The following UPP2 variants were observed in gnomAD, a reference collection of about 807,000 sequenced individuals.
UPP2 encodes UPase 2.
UPP2 carries 23 observed loss-of-function variants against 26.7 expected under a neutral mutation model. The ratio of observed to expected loss-of-function variants is 0.86; its 90% CI spans 0.62 to 1.22. The LOEUF (loss-of-function observed/expected upper bound fraction) is 1.22, where lower values mean the gene tolerates loss of function less well. Among genes scored for constraint, UPP2 ranks in the 50% most tolerant of loss-of-function variants. The probability of loss-of-function intolerance (pLI) is 0.00; values close to 1 mark genes in which losing one functional copy is unlikely to be tolerated. For missense variants in UPP2, 387 were observed against 396.7 expected (o/e 0.98, Z 0.21); for synonymous variants, 127 against 141.3 (o/e 0.90, Z 0.72).
chr2:157,999,281 C>T (rs552050568), intron 2 of UPP2, among the ~76,000 whole-genome samples: 7 of 152,200 alleles, frequency 4.6e-5, no homozygotes, highest in South Asian at 4.2e-4. Context: ...TGGGCTCAAG[C>T]GATTCTTCTG....
At chr2:158,025,109 G>C (rs1192355725) in intron 3 of UPP2, among the ~76,000 whole-genome samples, 1 of 151,870 alleles carries the variant, frequency 6.6e-6, no homozygotes, top group Admixed American at 6.6e-5. Flanking sequence ...GGCTGAGGCA[G>C]GAGAATCGCT....
intron 3 of UPP2, among the ~76,000 whole-genome samples, chr2:158,029,288 T>C (rs1165566768): frequency 1.3e-5 from 2 of 152,196 alleles, no homozygotes; most frequent in Non-Finnish European, 2.9e-5. Flanking sequence ...TAATTAGATT[T>C]CTAAAAAATA....
chr2:158,041,066 G>A (rs1238003742), intron 3 of UPP2, among the ~76,000 whole-genome samples: 1 of 152,114 alleles, frequency 6.6e-6, no homozygotes, highest in East Asian at 1.9e-4. Context: ...CTAACAGGGT[G>A]GCTGTGAGCA....
At chr2:158,059,371 A>G (rs1259942476) in intron 3 of UPP2, among the ~76,000 whole-genome samples, 2 of 152,242 alleles carry the variant, frequency 1.3e-5, no homozygotes, top group Non-Finnish European at 2.9e-5. Flanking sequence ...TTATATGGCC[A>G]TTTAAATTGA....
At chr2:158,076,286 A>G (rs1022205301) in intron 3 of UPP2, among the ~76,000 whole-genome samples, 3 of 152,060 alleles carry the variant, frequency 2.0e-5, no homozygotes, top group African/African-American at 7.2e-5. Flanking sequence ...ATTCTAAAAA[A>G]TAAAAGAGTA....
chr2:157,997,247 T>C (rs1044848494), intron 2 of UPP2, among the ~76,000 whole-genome samples: 10 of 149,572 alleles, frequency 6.7e-5, no homozygotes, highest in African/African-American at 2.5e-4. Flanking sequence ...GGACCTCCTA[T>C]TTTTTTTTAT....
chr2:158,001,970 A>AG (rs1683415394), intron 2 of UPP2, among the ~76,000 whole-genome samples: 1 of 150,714 alleles, frequency 6.6e-6, no homozygotes, highest in Non-Finnish European at 1.5e-5. Context: ...AAAAAAAAAA[A>AG]AAAAAAAAAA....
At chr2:158,092,170 G>A (rs1175046854) in intron 3 of UPP2, among the ~76,000 whole-genome samples, 2 of 152,154 alleles carry the variant, frequency 1.3e-5, no homozygotes, top group Non-Finnish European at 2.9e-5. Flanking sequence ...AGGGGTGCCA[G>A]AAGAAGATAA....
At chr2:158,064,173 T>G (rs1574270583) in intron 3 of UPP2, among the ~76,000 whole-genome samples, 1 of 152,246 alleles carries the variant, frequency 6.6e-6, no homozygotes, top group Non-Finnish European at 1.5e-5. Context: ...ATTGCCACAC[T>G]GTGTTCCACA....
intron 3 of UPP2, among the ~76,000 whole-genome samples, chr2:158,047,175 G>A (rs961058547): frequency 6.6e-6 from 1 of 152,182 alleles, no homozygotes; most frequent in African/African-American, 2.4e-5. Context: ...AGCAAATTCA[G>A]GGTGTCCTGT....
chr2:158,058,269 G>A (rs1682285204), intron 3 of UPP2, among the ~76,000 whole-genome samples: 2 of 147,376 alleles, frequency 1.4e-5, no homozygotes, highest in Admixed American at 6.8e-5. Context: ...TGCCAGCCTG[G>A]GCGACAGAGC....
At chr2:158,035,960 G>A (rs1363830204) in intron 3 of UPP2, among the ~76,000 whole-genome samples, 3 of 152,184 alleles carry the variant, frequency 2.0e-5, no homozygotes, top group African/African-American at 7.2e-5. Flanking sequence ...GACAAGGATT[G>A]TGTCAAATAG....
intron 3 of UPP2, among the ~76,000 whole-genome samples, chr2:158,044,710 G>A (rs1684126774): frequency 1.3e-5 from 2 of 152,080 alleles, no homozygotes; most frequent in Non-Finnish European, 2.9e-5. Context: ...AGTAATTAGA[G>A]ATTTGTACAC....
chr2:158,122,664 A>G (rs1179521625), intron 5 of UPP2, among the ~76,000 whole-genome samples: 1 of 149,530 alleles, frequency 6.7e-6, no homozygotes, highest in African/African-American at 2.4e-5. Flanking sequence ...GAGATTTTAT[A>G]TTAACACCCA....
chr2:158,029,036 A>G (rs1357041814), intron 3 of UPP2, among the ~76,000 whole-genome samples: 2 of 152,210 alleles, frequency 1.3e-5, no homozygotes, highest in African/African-American at 2.4e-5. Flanking sequence ...CAGCCAGTCT[A>G]TCTGTTCACT....
intron 3 of UPP2, among the ~76,000 whole-genome samples, chr2:158,083,496 G>A (rs1186357208): frequency 1.3e-5 from 2 of 151,990 alleles, no homozygotes; most frequent in African/African-American, 4.8e-5. Flanking sequence ...TTAAGTGGGA[G>A]TTGAACAGTG....
intron 3 of UPP2, among the ~76,000 whole-genome samples, chr2:158,034,885 T>A (rs6749356): frequency 0.14 from 21,546 of 152,058 alleles, 1,617 homozygotes; most frequent in Middle Eastern, 0.21. Flanking sequence ...GGAGAACTCT[T>A]TTCTGAATTA....
At chr2:158,036,873 C>A (rs1032280576) in intron 3 of UPP2, among the ~76,000 whole-genome samples, 1 of 152,218 alleles carries the variant, frequency 6.6e-6, no homozygotes, top group East Asian at 1.9e-4. Context: ...CTGAAGGGTA[C>A]CAGACACACA....
chr2:158,086,440 C>A (rs557388327), intron 3 of UPP2, among the ~76,000 whole-genome samples: 2 of 151,948 alleles, frequency 1.3e-5, no homozygotes, highest in South Asian at 4.2e-4. Flanking sequence ...TTCAAAGAAC[C>A]AGCTTTTTGT....
Sources: gnomAD v4.1 joint callset for allele counts (sites outside exome capture counted in the v4.1 genomes callset) on GRCh38, gnomAD v4.1.1 for gene constraint, MANE v1.5 for transcripts, NCBI Gene and HGNC (gene_info 2026-07-23, HGNC 2026-07-21) for gene names.